Variants in REDIC1 observed in about 807,000 individuals in gnomAD.
REDIC1 encodes the protein regulator of DNA class I crossover intermediates 1, also known as HEI10 Interacting Protein 1.
the REDIC1 span, among the ~76,000 whole-genome samples, chr12:39,694,029 G>A: frequency 2.2e-3 from 331 of 152,272 alleles, 1 homozygote; most frequent in African/African-American, 7.7e-3. Context: ...TTTAGTTTGC[G>A]CTTCGCTCTG....
chr12:39,753,040 C>G, the REDIC1 span, among the ~76,000 whole-genome samples: 1 of 152,200 alleles, frequency 6.6e-6, no homozygotes, highest in Non-Finnish European at 1.5e-5. Flanking sequence ...TGCTACTAGT[C>G]TGAGGACCAT....
chr12:39,821,074 C>T, the REDIC1 span, among the ~76,000 whole-genome samples: 19 of 151,990 alleles, frequency 1.3e-4, no homozygotes, highest in Non-Finnish European at 1.8e-4. Context: ...TCTTTCACTG[C>T]CCTGTACTAT....
chr12:39,721,427 A>G, the REDIC1 span: 7 of 572,688 alleles, frequency 1.2e-5, no homozygotes, highest in Non-Finnish European at 1.8e-5. Context: ...TTATTAATGT[A>G]TGTATTTAAT....
At chr12:39,702,994 A>C in the REDIC1 span, among the ~76,000 whole-genome samples, 1 of 152,166 alleles carries the variant, frequency 6.6e-6, no homozygotes, top group Admixed American at 6.6e-5. Flanking sequence ...ATGGGCAAAA[A>C]CTGGAAGCAT....
chr12:39,759,333 A>G, the REDIC1 span: 3 of 151,858 alleles, frequency 2.0e-5, no homozygotes, highest in African/African-American at 2.4e-5. Context: ...TCACTGATGC[A>G]AAAAAAAGAA....
At chr12:39,828,779 G>C in the REDIC1 span, among the ~76,000 whole-genome samples, 2 of 151,586 alleles carry the variant, frequency 1.3e-5, no homozygotes, top group African/African-American at 4.8e-5. Flanking sequence ...AGTACATCTA[G>C]AAATATTTAA....
At chr12:39,695,231 A>G in the REDIC1 span, among the ~76,000 whole-genome samples, 15 of 152,120 alleles carry the variant, frequency 9.9e-5, no homozygotes, top group African/African-American at 3.4e-4. Flanking sequence ...GAGAAAAGTA[A>G]AGGGGACTTT....
At chr12:39,781,585 G>A in the REDIC1 span, among the ~76,000 whole-genome samples, 1 of 152,156 alleles carries the variant, frequency 6.6e-6, no homozygotes, top group Non-Finnish European at 1.5e-5. Context: ...TTTTCAAAGC[G>A]ATTTTATGTA....
At chr12:39,629,135 C>G in the REDIC1 span, among the ~76,000 whole-genome samples, 35 of 152,210 alleles carry the variant, frequency 2.3e-4, no homozygotes, top group African/African-American at 6.5e-4. Context: ...GGGAAACAAT[C>G]GAACACTGGT....
At chr12:39,835,037 C>T in the REDIC1 span, among the ~76,000 whole-genome samples, 5 of 152,002 alleles carry the variant, frequency 3.3e-5, no homozygotes, top group Admixed American at 2.0e-4. Flanking sequence ...TGATGAATTT[C>T]GGTAAGGTTT....
At chr12:39,711,248 G>GTA in the REDIC1 span, among the ~76,000 whole-genome samples, 162 of 148,558 alleles carry the variant, frequency 1.1e-3, no homozygotes, top group East Asian at 0.013. Flanking sequence ...TATGTGATGT[G>GTA]TATATATATA....
chr12:39,902,395 TGAAGA>T, the REDIC1 span, among the ~76,000 whole-genome samples: 1 of 151,820 alleles, frequency 6.6e-6, no homozygotes, highest in African/African-American at 2.4e-5. Context: ...TACATACACA[TGAAGA>T]GAACTATTTT....
the REDIC1 span, among the ~76,000 whole-genome samples, chr12:39,713,435 T>TAG: frequency 0.019 from 162 of 8,574 alleles, 4 homozygotes; most frequent in Non-Finnish European, 0.071. Context: ...TATATATGTG[T>TAG]ACATATACAT....
At chr12:39,906,856 C>G in the REDIC1 span, among the ~76,000 whole-genome samples, 2 of 152,006 alleles carry the variant, frequency 1.3e-5, no homozygotes, top group Non-Finnish European at 2.9e-5. Flanking sequence ...AGTATGAAAA[C>G]AGGCAAAACA....
At chr12:39,743,894 T>C in the REDIC1 span, among the ~76,000 whole-genome samples, 3 of 152,070 alleles carry the variant, frequency 2.0e-5, no homozygotes, top group African/African-American at 7.2e-5. Flanking sequence ...CAGAAGAGAA[T>C]AAAGACAGAA....
At chr12:39,846,612 T>C in the REDIC1 span, among the ~76,000 whole-genome samples, 16 of 152,248 alleles carry the variant, frequency 1.1e-4, no homozygotes, top group Middle Eastern at 3.4e-3. Context: ...CCAACATGTG[T>C]GGCTAATTTT....
At chr12:39,694,232 G>A in the REDIC1 span, among the ~76,000 whole-genome samples, 120,573 of 152,024 alleles carry the variant, frequency 0.79, 48,528 homozygotes, top group Non-Finnish European at 0.87. Flanking sequence ...CACTGCAAGC[G>A]CACCAATTTA....
At chr12:39,678,440 A>G in the REDIC1 span, among the ~76,000 whole-genome samples, 1 of 151,958 alleles carries the variant, frequency 6.6e-6, no homozygotes, top group Admixed American at 6.5e-5. Flanking sequence ...TTGAAACAGC[A>G]TTTTTAAAAC....
At chr12:39,699,204 A>C in the REDIC1 span, among the ~76,000 whole-genome samples, 4 of 152,292 alleles carry the variant, frequency 2.6e-5, no homozygotes, top group African/African-American at 9.6e-5. Context: ...TCATCTCACT[A>C]GGGAGTGCCA....
Sources: gnomAD v4.1 joint callset for allele counts (sites outside exome capture counted in the v4.1 genomes callset) on GRCh38, gnomAD v4.1.1 for gene constraint, MANE v1.5 for transcripts, NCBI Gene and HGNC (gene_info 2026-07-23, HGNC 2026-07-21) for gene names.